Variants in EYS observed in about 807,000 individuals in gnomAD.
EYS encodes EGF-like photoreceptor maintenance factor, also known as protein eyes shut homolog.
A neutral mutation model predicts 282.1 loss-of-function variants in EYS; 250 were observed. The ratio of observed to expected loss-of-function variants is 0.89; its 90% CI spans 0.80 to 0.98. The LOEUF is 0.98. Among genes scored for constraint, EYS ranks in the 50% least tolerant of loss-of-function variants. The pLI, the probability that EYS is intolerant of heterozygous loss-of-function variation, is 0.00. For synonymous variants in EYS, 1,355 were observed against 1,282.9 expected, an observed-to-expected ratio of 1.06 and a Z score of -1.20; for missense variants, 4,016 against 3,709.0, an observed-to-expected ratio of 1.08 and a Z score of -2.15.
intron 19 of EYS, among the ~76,000 whole-genome samples, chr6:64,860,400 T>C (rs775082509): frequency 6.6e-6 from 1 of 152,084 alleles, no homozygotes; most frequent in Non-Finnish European, 1.5e-5. Context: ...GAGTGTGGGG[T>C]CGGGCCACTG....
intron 31 of EYS, among the ~76,000 whole-genome samples, chr6:64,151,033 G>C (rs116625851): frequency 6.6e-6 from 1 of 151,670 alleles, no homozygotes; most frequent in South Asian, 2.1e-4. Context: ...TTACATTTTA[G>C]GCAAATGTTC....
chr6:64,930,461 T>TAAAA (rs55650031), intron 15 of EYS, among the ~76,000 whole-genome samples: 4 of 123,028 alleles, frequency 3.3e-5, no homozygotes, highest in African/African-American at 9.0e-5. Flanking sequence ...ATAAATAAGG[T>TAAAA]AAAAAAAAAA....
intron 19 of EYS, among the ~76,000 whole-genome samples, chr6:64,842,945 C>A (rs1016890334): frequency 6.6e-6 from 1 of 152,076 alleles, no homozygotes. Context: ...GCATAAGTAA[C>A]AAGGAGCAGA....
At chr6:65,016,468 A>C (rs1402838345) in intron 13 of EYS, among the ~76,000 whole-genome samples, 1 of 138,370 alleles carries the variant, frequency 7.2e-6, no homozygotes, top group Non-Finnish European at 1.5e-5. Context: ...TAAACTTAAA[A>C]TCTGCTGTTT....
intron 11 of EYS, among the ~76,000 whole-genome samples, chr6:65,317,850 C>CT (rs1213217774): frequency 3.8e-5 from 2 of 52,370 alleles, no homozygotes; most frequent in African/African-American, 2.4e-4. Context: ...TTCTTTCTTT[C>CT]TTTCTTTCTT....
chr6:64,200,561 G>T (rs1295455863), intron 31 of EYS, among the ~76,000 whole-genome samples: 3 of 152,108 alleles, frequency 2.0e-5, no homozygotes, highest in Non-Finnish European at 4.4e-5. Flanking sequence ...GTGTCATTCT[G>T]TCCTATCTCT....
rs142308358 is a variant in EYS at position 63,767,792 on chromosome 6, G to C, written c.7899-5159C>G. Among the ~76,000 whole-genome samples, 676 of 152,076 alleles carry C rather than the reference G, an allele frequency of 4.4e-3. 7 individuals carry two copies. The highest frequency in any genetic ancestry group is 0.016 in the African/African-American group (648 of 41,486). ...AATGATCCTAAGCAAAAAGAACAAG[G>C]CCGGAGACATCACACTCCCTAACTT... On this transcript the variant is annotated intron_variant, in intron 40 of 42. Coordinates refer to ENST00000503581, the MANE Select transcript of EYS (RefSeq NM_001142800.2).
intron 35 of EYS, among the ~76,000 whole-genome samples, chr6:63,947,422 A>G (rs1259377812): frequency 2.0e-5 from 3 of 152,046 alleles, no homozygotes; most frequent in Admixed American, 2.0e-4. Flanking sequence ...ATTTTATATT[A>G]TTACTCCTTA....
Position 64,824,394 on chromosome 6 carries a change from G to A in EYS, c.2993-1572C>T, listed in dbSNP as rs78167461. 4.7e-4 allele frequency among the ~76,000 whole-genome samples: 72 copies of A among 152,016 alleles called. 1 individual carries two copies. The East Asian group carries it at 7.6e-3, about 16-fold the overall frequency. ...AGTGTTACTTATTGGTACATCATACGTTTATTGGGATGATAGAGTATAGGC... is the reference window on the plus strand; with the variant it reads ...AGTGTTACTTATTGGTACATCATACATTTATTGGGATGATAGAGTATAGGC... On this transcript the variant is annotated intron_variant, in intron 19 of 42. Transcript: ENST00000503581.
chr6:64,302,455 A>G (rs1769269094), intron 30 of EYS, among the ~76,000 whole-genome samples: 1 of 152,178 alleles, frequency 6.6e-6, no homozygotes. Context: ...TAATTAGTGC[A>G]CATGCTCTTC....
intron 13 of EYS, among the ~76,000 whole-genome samples, chr6:65,044,809 CCCTTCCTTATGTGGTGT>C (rs1411225645): frequency 7.3e-5 from 11 of 151,668 alleles, no homozygotes; most frequent in African/African-American, 2.4e-4. Context: ...TATTTTGGTA[CCCTTCCTTATGTGGTGT>C]CCTTTCTTGA....
intron 31 of EYS, among the ~76,000 whole-genome samples, chr6:64,096,459 C>T (rs1772617971): frequency 6.6e-6 from 1 of 152,142 alleles, no homozygotes; most frequent in South Asian, 2.1e-4. Context: ...TCTTTTTATT[C>T]TTTTTGCTCT....
At chr6:64,653,003 A>AC (rs1451377659) in intron 22 of EYS, among the ~76,000 whole-genome samples, 1 of 152,006 alleles carries the variant, frequency 6.6e-6, no homozygotes, top group Non-Finnish European at 1.5e-5. Context: ...AATTCTCAGT[A>AC]CCCCCGTATG....
chr6:65,284,092 GA>G (rs1768295031), intron 12 of EYS, among the ~76,000 whole-genome samples: 1 of 152,078 alleles, frequency 6.6e-6, no homozygotes, highest in African/African-American at 2.4e-5. Context: ...CACCTGCCAA[GA>G]ATTGAAATGG....
At chr6:65,526,824 TA>T (rs984128685) in intron 2 of EYS, among the ~76,000 whole-genome samples, 3 of 151,932 alleles carry the variant, frequency 2.0e-5, no homozygotes, top group Admixed American at 6.6e-5. Context: ...AAATTAAATT[TA>T]AAAAAGACTG....
chr6:64,314,894 G>A (rs1341232325), intron 29 of EYS, among the ~76,000 whole-genome samples: 1 of 152,162 alleles, frequency 6.6e-6, no homozygotes, highest in Admixed American at 6.5e-5. Context: ...ACGTTCAAAA[G>A]CTAGCAGAAG....
intron 26 of EYS, among the ~76,000 whole-genome samples, chr6:64,561,491 A>G (rs1227408570): frequency 6.6e-6 from 1 of 152,138 alleles, no homozygotes; most frequent in Non-Finnish European, 1.5e-5. Context: ...AGGATACAAA[A>G]TCGATGTACA....
At chr6:65,208,288 G>A (rs560158087) in intron 12 of EYS, among the ~76,000 whole-genome samples, 1 of 151,920 alleles carries the variant, frequency 6.6e-6, no homozygotes, top group East Asian at 1.9e-4. Context: ...TTATTAAAAT[G>A]TGCATAAACA....
chr6:65,371,249 A>G (rs1765130331), intron 8 of EYS, among the ~76,000 whole-genome samples: 2 of 151,794 alleles, frequency 1.3e-5, no homozygotes, highest in African/African-American at 2.4e-5. Flanking sequence ...CAAGTAATCT[A>G]TAGATAATGT....
Sources: allele counts gnomAD v4.1 joint callset (sites outside exome capture counted in the v4.1 genomes callset), GRCh38; gene constraint gnomAD v4.1.1; transcripts MANE v1.5; gene names NCBI Gene and HGNC (gene_info 2026-07-23, HGNC 2026-07-21).